The following MAP1A variants were observed in gnomAD, a reference collection of about 807,000 sequenced individuals.
MAP1A encodes microtubule-associated protein 1A.
A neutral mutation model predicts 185.9 loss-of-function variants in MAP1A; 42 were observed. That is an observed-to-expected ratio of 0.23 (90% CI 0.18 to 0.29). The LOEUF (loss-of-function observed/expected upper bound fraction) is 0.29. MAP1A is among the 10% of genes least tolerant of loss of function. The pLI is 1.00. For missense variants in MAP1A, 2,995 were observed against 3,450.4 expected, an observed-to-expected ratio of 0.87 and a Z score of 3.31; for synonymous variants, 1,229 against 1,335.9, an observed-to-expected ratio of 0.92 and a Z score of 1.74.
Position 43,525,726 on chromosome 15 carries a change from A to C in MAP1A, c.4253A>C (p.Lys1418Thr). The C allele has an allele frequency of 6.2e-7, 1 of 1,614,240 alleles. No homozygotes were observed. The highest frequency in any genetic ancestry group is 8.5e-7 in the Non-Finnish European group (1 of 1,180,036). Reference protein sequence around the residue: ...LEQKGRDLEQKDTALEQKDKA... With the variant: ...LEQKGRDLEQTDTALEQKDKA... ...CAAAAGGGCAGAGACTTAGAGCAAA[A>C]AGACACAGCCCTAGAACAGAAGGAC... is the stretch of plus-strand genomic sequence containing the variant. Residue 1418 changes from lysine to threonine, a missense_variant, in exon 4 of 6, where the codon AAA becomes ACA. Coordinates refer to ENST00000300231, the MANE Select transcript of MAP1A (RefSeq NM_002373.6).
Position 43,523,526 on chromosome 15 carries a change from A to G in MAP1A, c.2053A>G (p.Met685Val), listed in dbSNP as rs759139886. The change falls in exon 4 of 6, where the codon ATG becomes GTG. Residue 685 changes from methionine (M) to valine (V), a missense_variant. Met to Val is a conservative substitution (Grantham distance 21, BLOSUM62 1). This residue lies in a region of MAP1A where 2,728 missense variants were observed against 2,986.0 expected (regional missense o/e 0.91). Transcript: ENST00000300231. ...TKAEGFYQKH[M>V]QEPLKVTPRS... is the part of the protein sequence containing the mutation. Reference sequence around the variant, plus strand: ...AGCTGAGGGTTTTTACCAAAAACATATGCAGGAACCCTTGAAGGTAACTCC... The same window carrying G: ...AGCTGAGGGTTTTTACCAAAAACATGTGCAGGAACCCTTGAAGGTAACTCC... 1.2e-6 allele frequency: 2 copies of G among 1,614,186 alleles called. No homozygotes were observed. Among genetic ancestry groups the G allele is most frequent in the Non-Finnish European group, 1.7e-6 (2 of 1,180,028 alleles).
intron 1 of MAP1A, 59 bp downstream of exon 1, chr15:43,517,759 T>TG (rs1187397230): frequency 1.4e-5 from 8 of 576,732 alleles, no homozygotes; most frequent in Non-Finnish European, 1.8e-5. Context: ...GGAGGTGGGA[T>TG]GGGGGTCATG....
rs772567515 is a variant in MAP1A at position 43,530,095 on chromosome 15, G to A, written c.8283G>A (p.Thr2761=). 11 of 1,614,036 alleles carry A rather than the reference G, an allele frequency of 6.8e-6. No individual in the cohort carries two copies. The highest frequency in any genetic ancestry group is 3.3e-5 in the Admixed American group (2 of 60,006). ...LQVTLIPTHD[T]EVTREWYQQT... is the part of the protein sequence containing the mutation. Reference sequence around the variant, plus strand: ...TGACTCTGATCCCTACTCATGACACGGAGGTGACTCGTGAGTGGTACCAAC... The same window carrying A: ...TGACTCTGATCCCTACTCATGACACAGAGGTGACTCGTGAGTGGTACCAAC... The change falls in exon 6 of 6, where the codon ACG becomes ACA. Residue 2761 remains threonine, a synonymous_variant. Transcript: ENST00000300231.
In MAP1A at chr15:43,524,719, G is replaced by A. The variant is rs1060939; in HGVS notation, c.3246G>A (p.Gly1082=). 0.33 allele frequency: 538,594 copies of A among 1,613,892 alleles called. 104,451 individuals carry two copies. The highest frequency in any genetic ancestry group is 0.88 in the African/African-American group (65,668 of 74,948). The change falls in exon 4 of 6, where the codon GGG becomes GGA. Residue 1082 remains glycine (G), a synonymous_variant. Transcript: ENST00000300231. ...AAGCACCTGTCAACATTGATGAGGG[G>A]CTTACAGGCTGTACCATTCAACTGT... is the stretch of plus-strand genomic sequence containing the variant. ...AQEAPVNIDE[G]LTGCTIQLLP... is the part of the protein sequence containing the mutation.
At position 43,525,608 on chromosome 15, in the gene MAP1A, G is replaced by A. The variant is rs764873605; in HGVS notation, c.4135G>A (p.Val1379Met). 8 of 1,593,422 alleles carry A rather than the reference G, an allele frequency of 5.0e-6. No individual in the cohort carries two copies. In the African/African-American group the frequency reaches 1.1e-4, roughly 21 times the overall value. ...QKDKTLEHKE[V>M]VEPKDTAIYQ... The stretch of plus-strand genomic sequence containing the variant: ...AGACAAAACTCTGGAGCACAAGGAG[G>A]TGGTAGAGCCGAAGGATACAGCCAT... Residue 1379 changes from valine (V) to methionine (M), a missense_variant, in exon 4 of 6, where the codon GTG becomes ATG. Coordinates refer to ENST00000300231, the MANE Select transcript of MAP1A (RefSeq NM_002373.6).
Position 43,529,147 on chromosome 15 carries a change from T to G in MAP1A, c.7674T>G (p.His2558Gln), listed in dbSNP as rs771222861. ...GTACTCACCACCCCAGGCCTGGCCA[T>G]GACCCACCTCCTCTCCCACAGCCAG... is the stretch of plus-strand genomic sequence containing the variant. ...VSGTHHPRPG[H>Q]DPPPLPQPDP... The change falls in exon 4 of 6, where the codon CAT becomes CAG. Residue 2558 changes from histidine (H) to glutamine (Q), a missense_variant. Physicochemically the swap from His to Gln is conservative, Grantham distance 24. Around this residue, in one of 3 missense-constraint regions of MAP1A, gnomAD observed 2,728 missense variants for 2,986.0 expected, o/e 0.91. Transcript: ENST00000300231. This position sits in a 1 kb window ranked among gnomAD's most constrained non-coding sequence, Gnocchi z 4.3. 1.5e-5 allele frequency: 25 copies of G among 1,613,128 alleles called. No homozygotes were observed. Among genetic ancestry groups the G allele is most frequent in the Non-Finnish European group, 1.9e-5 (23 of 1,179,884 alleles).
intron 1 of MAP1A, among the ~76,000 whole-genome samples, chr15:43,518,713 C>G (rs574165748): frequency 5.2e-4 from 71 of 137,188 alleles, no homozygotes; most frequent in Admixed American, 3.5e-3. Context: ...AGCCCACCCC[C>G]CCCCGCAACT....
At position 43,528,802 on chromosome 15, in the gene MAP1A, C is replaced by T. The variant is rs372613318; in HGVS notation, c.7329C>T (p.Pro2443=). The change falls in exon 4 of 6, where the codon CCC becomes CCT. Residue 2443 remains proline, a synonymous_variant. Coordinates refer to ENST00000300231, the MANE Select transcript of MAP1A (RefSeq NM_002373.6). ...GPQGCATEPR[P]HRGELSPSFL... ...AGGGATGTGCCACTGAGCCTCGGCC[C>T]CATCGTGGGGAGCTCTCCCCATCCT... The T allele has an allele frequency of 2.5e-6, 4 of 1,613,444 alleles. No individual in the cohort carries two copies. In the African/African-American group the frequency reaches 5.3e-5, roughly 22 times the overall value.
At position 43,531,520 on chromosome 15, in the gene MAP1A, G is replaced by C. The variant is rs2079372314; in HGVS notation, c.*1296G>C. 1 of 152,756 alleles carries C rather than the reference G, an allele frequency of 6.5e-6. No homozygotes were observed. Among genetic ancestry groups the C allele is most frequent in the Non-Finnish European group, 1.5e-5 (1 of 68,072 alleles). The allele number at this position is 152,756 out of a possible 1,614,324, so 9.5% of individuals were successfully genotyped here. ...CTAGCTCCACCCTCCCCGTGCTGCT[G>C]TGTTCTGCTCCTCCCCACGCTTCCC... On this transcript the variant is annotated 3_prime_UTR_variant, in exon 6 of 6. Coordinates refer to ENST00000300231, the MANE Select transcript of MAP1A (RefSeq NM_002373.6).
chr15:43,526,674 C>T lies in MAP1A; in HGVS notation c.5201C>T (p.Pro1734Leu), dbSNP rs1221855216. The T allele has an allele frequency of 6.2e-7, 1 of 1,614,078 alleles. No individual in the cohort carries two copies. Among genetic ancestry groups the T allele is most frequent in the Non-Finnish European group, 8.5e-7 (1 of 1,180,016 alleles). ...GAAAGCACTTTCCTAGATGAGGGCC[C>T]AGATGATGAGCAAGAAGTACCCCTG... ...ERESTFLDEG[P>L]DDEQEVPLRE... is the part of the protein sequence containing the mutation. Residue 1734 changes from proline (P) to leucine (L), a missense_variant, in exon 4 of 6, where the codon CCA becomes CTA. Physicochemically the swap from Pro to Leu is moderately conservative, Grantham distance 98. This residue lies in a region of MAP1A where 2,728 missense variants were observed against 2,986.0 expected (regional missense o/e 0.91). Coordinates refer to ENST00000300231, the MANE Select transcript of MAP1A (RefSeq NM_002373.6). This position sits in a 1 kb window ranked among gnomAD's most constrained non-coding sequence, Gnocchi z 4.7.
chr15:43,520,816 C>T lies in MAP1A; in HGVS notation c.-292+93C>T. On this transcript the variant is annotated intron_variant, in intron 2 of 5. Transcript: ENST00000300231. ...TACCACTATTAGGCCAAGAATTCCT[C>T]TCTCTGCCATCTAAGCTGACGTATT... is the stretch of plus-strand genomic sequence containing the variant. 4.5e-6 allele frequency: 6 copies of T among 1,320,248 alleles called. No homozygotes were observed. In the Admixed American group the frequency reaches 7.9e-5, roughly 17 times the overall value. The allele number at this position is 1,320,248 out of a possible 1,614,324, so 81.8% of individuals were successfully genotyped here. A position where few individuals can be genotyped will look rare whatever the true frequency, so the allele number is the denominator to read the frequency against.
rs755058235 is a variant in MAP1A at position 43,527,861 on chromosome 15, C to T, written c.6388C>T (p.Pro2130Ser). 4 of 1,614,142 alleles carry T rather than the reference C, an allele frequency of 2.5e-6. No individual in the cohort carries two copies. In the South Asian group the frequency reaches 3.3e-5, roughly 13 times the overall value. ...GGCCCAATCCCCAAGTCCTCCTCAC[C>T]CCATTCCTATGGGGTCCCCCACATT... Reference protein sequence around the residue: ...KEAQSPSPPHPIPMGSPTLWP... With the variant: ...KEAQSPSPPHSIPMGSPTLWP... Residue 2130 changes from proline (P) to serine (S), a missense_variant, in exon 4 of 6, where the codon CCC becomes TCC. This residue lies in a region of MAP1A where 2,728 missense variants were observed against 2,986.0 expected (regional missense o/e 0.91). Coordinates refer to ENST00000300231, the MANE Select transcript of MAP1A (RefSeq NM_002373.6).
chr15:43,523,183 T>G lies in MAP1A; in HGVS notation c.1710T>G (p.Ser570Arg). ...PLDTAEEGPP[S>R]TAIQGTPPSV... ...ACACTGCAGAGGAGGGACCCCCAAG[T>G]ACAGCTATCCAGGGAACACCACCCT... The change falls in exon 4 of 6, where the codon AGT becomes AGG. Residue 570 changes from serine (S) to arginine (R), a missense_variant. Physicochemically the swap from Ser to Arg is moderately radical, Grantham distance 110. Coordinates refer to ENST00000300231, the MANE Select transcript of MAP1A (RefSeq NM_002373.6). 1 of 1,613,996 alleles carries G rather than the reference T, an allele frequency of 6.2e-7. No homozygotes were observed. Among genetic ancestry groups the G allele is most frequent in the Non-Finnish European group, 8.5e-7 (1 of 1,180,006 alleles).
Position 43,527,147 on chromosome 15 carries a change from G to A in MAP1A, c.5674G>A (p.Glu1892Lys), listed in dbSNP as rs1442329132. 2 of 1,612,774 alleles carry A rather than the reference G, an allele frequency of 1.2e-6. No individual in the cohort carries two copies. Among genetic ancestry groups the A allele is most frequent in the South Asian group, 2.2e-5 (2 of 90,846 alleles). ...EYDSVVAAVQ[E>K]GAAELEGGPY... is the part of the protein sequence containing the mutation. ...TGACAGTGTGGTGGCTGCAGTGCAG[G>A]AGGGGGCAGCTGAGTTGGAAGGTGG... is the stretch of plus-strand genomic sequence containing the variant. Residue 1892 changes from glutamate to lysine, a missense_variant, in exon 4 of 6, where the codon GAG becomes AAG. By Grantham distance (56) the Glu-to-Lys change is moderately conservative. Around this residue, in one of 3 missense-constraint regions of MAP1A, gnomAD observed 2,728 missense variants for 2,986.0 expected, o/e 0.91. Coordinates refer to ENST00000300231, the MANE Select transcript of MAP1A (RefSeq NM_002373.6).
chr15:43,528,991 A>G lies in MAP1A; in HGVS notation c.7518A>G (p.Ser2506=), dbSNP rs1430072142. The change falls in exon 4 of 6, where the codon TCA becomes TCG. Residue 2506 remains serine, a synonymous_variant. Coordinates refer to ENST00000300231, the MANE Select transcript of MAP1A (RefSeq NM_002373.6). ...DETPPTSASD[S]GSSQSDSDVP... ...CACCCCCTACATCAGCCAGTGACTCAGGCTCCTCACAGTCAGATTCTGATG... is the reference window on the plus strand; with the variant it reads ...CACCCCCTACATCAGCCAGTGACTCGGGCTCCTCACAGTCAGATTCTGATG... 6.2e-7 allele frequency: 1 copy of G among 1,613,630 alleles called. No individual in the cohort carries two copies. Among genetic ancestry groups the G allele is most frequent in the Non-Finnish European group, 8.5e-7 (1 of 1,180,000 alleles).
Position 43,522,863 on chromosome 15 carries a change from C to T in MAP1A, c.1390C>T (p.Leu464=), listed in dbSNP as rs560100781. The part of the protein sequence containing the change: ...PELKKISKPD[L]KPFTPEVRKT... Reference sequence around the variant, plus strand: ...GCTCAAGAAGATTTCCAAGCCAGACCTAAAGCCCTTTACTCCTGAGGTACG... The same window carrying T: ...GCTCAAGAAGATTTCCAAGCCAGACTTAAAGCCCTTTACTCCTGAGGTACG... The change falls in exon 4 of 6, where the codon CTA becomes TTA. Residue 464 remains leucine, a synonymous_variant. Transcript: ENST00000300231. This position sits in a 1 kb window ranked among gnomAD's most constrained non-coding sequence, Gnocchi z 5.9. The T allele has an allele frequency of 6.2e-7, 1 of 1,608,000 alleles. No homozygotes were observed. The highest frequency in any genetic ancestry group is 1.1e-5 in the South Asian group (1 of 90,128).
chr15:43,523,025 A>G lies in MAP1A; in HGVS notation c.1552A>G (p.Ser518Gly). The G allele has an allele frequency of 1.2e-6, 2 of 1,614,212 alleles. No individual in the cohort carries two copies. The highest frequency in any genetic ancestry group is 1.7e-6 in the Non-Finnish European group (2 of 1,180,030). ...QKGTVPLPTI[S>G]GHRELVLSSP... ...GGGAACTGTACCACTCCCAACCATC[A>G]GTGGGCACAGGGAGCTGGTCCTATC... is the stretch of plus-strand genomic sequence containing the variant. The change falls in exon 4 of 6, where the codon AGT (serine) becomes GGT (glycine). Residue 518 changes from serine to glycine, a missense_variant. Ser to Gly is a moderately conservative substitution (Grantham distance 56). Transcript: ENST00000300231.
Position 43,521,129 on chromosome 15 carries a change from A to G in MAP1A, c.-151+17A>G, listed in dbSNP as rs1236621893. The G allele has an allele frequency of 6.5e-7, 1 of 1,540,432 alleles. No individual in the cohort carries two copies. The highest frequency in any genetic ancestry group is 8.7e-7 in the Non-Finnish European group (1 of 1,145,720). On this transcript the variant is annotated intron_variant, in intron 3 of 5. Coordinates refer to ENST00000300231, the MANE Select transcript of MAP1A (RefSeq NM_002373.6). This position sits in a 1 kb window ranked among gnomAD's most constrained non-coding sequence, Gnocchi z 4.6. ...AACCCCGAGGTAAGTTCCATGCCAG[A>G]GTGTCTGGGAGAAAGGGTAGCACTA...
rs750898108 is a variant in MAP1A at position 43,525,609 on chromosome 15, T to C, written c.4136T>C (p.Val1379Ala). The change falls in exon 4 of 6, where the codon GTG becomes GCG. Residue 1379 changes from valine to alanine, a missense_variant. Transcript: ENST00000300231. ...QKDKTLEHKE[V>A]VEPKDTAIYQ... is the part of the protein sequence containing the mutation. Reference sequence around the variant, plus strand: ...GACAAAACTCTGGAGCACAAGGAGGTGGTAGAGCCGAAGGATACAGCCATC... The same window carrying C: ...GACAAAACTCTGGAGCACAAGGAGGCGGTAGAGCCGAAGGATACAGCCATC... 2 of 1,593,142 alleles carry C rather than the reference T, an allele frequency of 1.3e-6. No homozygotes were observed. The highest frequency in any genetic ancestry group is 1.1e-5 in the South Asian group (1 of 89,502).
Sources: allele counts gnomAD v4.1 joint callset (sites outside exome capture counted in the v4.1 genomes callset), GRCh38; gene constraint gnomAD v4.1.1; regional missense constraint gnomAD v4.1.1; non-coding constraint Gnocchi (gnomAD v3.1); transcripts MANE v1.5; gene names NCBI Gene and HGNC (gene_info 2026-07-23, HGNC 2026-07-21).